Variants in CEP164 observed in about 807,000 individuals in gnomAD.
CEP164 encodes centrosomal protein 164, also known as centrosomal protein of 164 kDa.
A neutral mutation model predicts 182.7 loss-of-function variants in CEP164; 162 were observed. The observed-to-expected ratio is 0.89, with a 90% CI of 0.78 to 1.01. The LOEUF (loss-of-function observed/expected upper bound fraction) is 1.01. Ranked by LOEUF, CEP164 falls within the 50% of genes least tolerant of loss-of-function variation. The pLI is 0.00. For missense variants in CEP164, 1,735 were observed against 1,790.4 expected, an observed-to-expected ratio of 0.97 and a Z score of 0.56; for synonymous variants, 661 against 690.0, an observed-to-expected ratio of 0.96 and a Z score of 0.66.
chr11:117,327,500 C>T (rs961465723), upstream of CEP164, among the ~76,000 whole-genome samples: 6 of 145,080 alleles, frequency 4.1e-5, no homozygotes, highest in East Asian at 2.0e-4. Flanking sequence ...AGGGGTTTCA[C>T]CATGTTGGTC....
intron 13 of CEP164, among the ~76,000 whole-genome samples, chr11:117,382,114 GT>G (rs1336444850): frequency 6.6e-6 from 1 of 152,162 alleles, no homozygotes; most frequent in Non-Finnish European, 1.5e-5. Context: ...ATCAGGGTAT[GT>G]GGTCTGATTA....
In CEP164 at chr11:117,411,303, C is replaced by A; in HGVS notation, c.4163+409C>A. 1 of 248,052 alleles carries A rather than the reference C, an allele frequency of 4.0e-6. No homozygotes were observed. Among genetic ancestry groups the A allele is most frequent in the South Asian group, 7.0e-5 (1 of 14,376 alleles). The allele number at this position is 248,052 out of a possible 1,614,324, so 15.4% of individuals were successfully genotyped here. The stretch of plus-strand genomic sequence containing the variant: ...TGGCTCCCTTATTCCCCCAGTCCTG[C>A]TGAGCAACATCTGGAGTGAGAGGGA... On this transcript the variant is annotated intron_variant, in intron 31 of 32. Transcript: ENST00000278935. The surrounding 1 kb of genome is among the most constrained non-coding windows in gnomAD (Gnocchi z 4.4).
intron 10 of CEP164, 54 bp from the exon 11 acceptor site, chr11:117,375,653 TG>T: frequency 6.8e-7 from 1 of 1,478,400 alleles, no homozygotes; most frequent in Non-Finnish European, 9.5e-7. Context: ...AGAGGCCTGG[TG>T]GGTGTTGACT....
In CEP164 at chr11:117,377,382, G is replaced by T. The variant is rs185619550; in HGVS notation, c.1317+1591G>T. Among the ~76,000 whole-genome samples the T allele has an allele frequency of 2.8e-3, 430 of 152,336 alleles. 2 individuals are homozygous for T. The highest frequency in any genetic ancestry group is 9.6e-3 in the African/African-American group (398 of 41,580). Reference sequence around the variant, plus strand: ...TCACCCCCTGCTCTGTGGCCTGGGGGTTGGGGACCCCTCCCCTAAGCTATA... The same window carrying T: ...TCACCCCCTGCTCTGTGGCCTGGGGTTTGGGGACCCCTCCCCTAAGCTATA... On this transcript the variant is annotated intron_variant, in intron 11 of 32. Transcript: ENST00000278935.
At position 117,411,766 on chromosome 11, in the gene CEP164, C is replaced by T. The variant is rs1443480431; in HGVS notation, c.4164-29C>T. The T allele has an allele frequency of 1.9e-6, 3 of 1,613,392 alleles. No individual in the cohort carries two copies. Among genetic ancestry groups the T allele is most frequent in the Non-Finnish European group, 2.5e-6 (3 of 1,179,724 alleles). ...TGTCACTTCCGCGCCTCCTCTCTCCCCTCGCCATGCTCTCCTCTTCCTTCC... is the reference window on the plus strand; with the variant it reads ...TGTCACTTCCGCGCCTCCTCTCTCCTCTCGCCATGCTCTCCTCTTCCTTCC... On this transcript the variant is annotated intron_variant, in intron 31 of 32. Coordinates refer to ENST00000278935, the MANE Select transcript of CEP164 (RefSeq NM_014956.5). The surrounding 1 kb of genome is among the most constrained non-coding windows in gnomAD (Gnocchi z 4.4).
At chr11:117,324,012 G>T (rs1305952996), upstream of CEP164, 1 of 228,020 alleles carries the variant, frequency 4.4e-6, no homozygotes, top group Non-Finnish European at 9.4e-6. Flanking sequence ...TTCTGACCTA[G>T]GAGTAGGGAA....
intron 8 of CEP164, among the ~76,000 whole-genome samples, chr11:117,364,273 C>G (rs1338668351): frequency 6.6e-6 from 1 of 152,210 alleles, no homozygotes; most frequent in East Asian, 1.9e-4. Context: ...TCTAATATAT[C>G]AAGTTCTTTT....
At chr11:117,403,538 G>A (rs1301219128) in intron 27 of CEP164, among the ~76,000 whole-genome samples, 1 of 152,142 alleles carries the variant, frequency 6.6e-6, no homozygotes, top group Non-Finnish European at 1.5e-5. Context: ...TAGTCTGATG[G>A]GCTTCCCTTT....
At chr11:117,325,587 T>C (rs1700686502), upstream of CEP164, among the ~76,000 whole-genome samples, 1 of 151,898 alleles carries the variant, frequency 6.6e-6, no homozygotes, top group African/African-American at 2.4e-5. Context: ...GGTTTCACCA[T>C]GTTAGCCAGG....
At chr11:117,393,563 A>C (rs1049453120) in intron 20 of CEP164, among the ~76,000 whole-genome samples, 1 of 152,180 alleles carries the variant, frequency 6.6e-6, no homozygotes. Context: ...AGATGAGGGC[A>C]CTGAGACTTG....
Position 117,408,923 on chromosome 11 carries a change from A to G in CEP164, c.3643A>G (p.Thr1215Ala), listed in dbSNP as rs1169611200. 2 of 1,614,002 alleles carry G rather than the reference A, an allele frequency of 1.2e-6. No individual in the cohort carries two copies. Among genetic ancestry groups the G allele is most frequent in the East Asian group, 4.5e-5 (2 of 44,888 alleles). Residue 1215 changes from threonine to alanine, a missense_variant, in exon 29 of 33, where the codon ACC (threonine) becomes GCC (alanine). Physicochemically the swap from Thr to Ala is moderately conservative, Grantham distance 58 (BLOSUM62 0). Coordinates refer to ENST00000278935, the MANE Select transcript of CEP164 (RefSeq NM_014956.5). ...TGAGGGCACTCTGGGAGGATCCCCC[A>G]CCAAGAAGGCAGTAACCTTCGACCT... ...SDEGTLGGSP[T>A]KKAVTFDLSD...
intron 4 of CEP164, among the ~76,000 whole-genome samples, chr11:117,347,485 C>T (rs778517316): frequency 9.9e-5 from 15 of 151,802 alleles, no homozygotes; most frequent in African/African-American, 3.4e-4. Context: ...TCGAGGTGGG[C>T]GGATCACTTG....
chr11:117,366,009 T>G (rs948554563), intron 8 of CEP164, among the ~76,000 whole-genome samples: 5 of 152,186 alleles, frequency 3.3e-5, no homozygotes, highest in Non-Finnish European at 5.9e-5. Flanking sequence ...GGGAAATGTC[T>G]GGAGTGGGTG....
At chr11:117,377,181 G>A (rs1185482047) in intron 11 of CEP164, among the ~76,000 whole-genome samples, 1 of 91,940 alleles carries the variant, frequency 1.1e-5, no homozygotes, top group Non-Finnish European at 2.2e-5. Flanking sequence ...TTGGAAGACA[G>A]TTTTTCCAGA....
chr11:117,411,846 C>T lies in CEP164; in HGVS notation c.4215C>T (p.Gly1405=), dbSNP rs754291006. The change falls in exon 32 of 33, where the codon GGC becomes GGT. Residue 1405 remains glycine (G), a synonymous_variant. Transcript: ENST00000278935. This position sits in a 1 kb window ranked among gnomAD's most constrained non-coding sequence, Gnocchi z 4.4. ...CCCATTCGCAAGTCCCTGAGGCGGGCAGCACCACCTTTCAGGGCATAATTG... is the reference window on the plus strand; with the variant it reads ...CCCATTCGCAAGTCCCTGAGGCGGGTAGCACCACCTTTCAGGGCATAATTG... ...QHSHSQVPEA[G]STTFQGIIEA... is the part of the protein sequence containing the mutation. The T allele has an allele frequency of 6.2e-7, 1 of 1,614,174 alleles. No homozygotes were observed. Among genetic ancestry groups the T allele is most frequent in the South Asian group, 1.1e-5 (1 of 91,074 alleles).
At chr11:117,408,507 A>T (rs1467717325) in intron 28 of CEP164, 2 of 284,824 alleles carry the variant, frequency 7.0e-6, no homozygotes, top group African/African-American at 4.3e-5. Flanking sequence ...ACCTGATGGC[A>T]CTGTTGTCTC....
intron 27 of CEP164, among the ~76,000 whole-genome samples, chr11:117,402,409 C>T (rs1407453375): frequency 5.9e-5 from 9 of 151,794 alleles, no homozygotes; most frequent in Admixed American, 1.3e-4. Flanking sequence ...TTAGTAGAGG[C>T]GGGGTTTCAC....
chr11:117,401,820 A>C (rs1482781283), intron 27 of CEP164, among the ~76,000 whole-genome samples: 1 of 152,150 alleles, frequency 6.6e-6, no homozygotes, highest in Non-Finnish European at 1.5e-5. Flanking sequence ...ATCAGTGGTA[A>C]TATTCCATTT....
upstream of CEP164, among the ~76,000 whole-genome samples, chr11:117,323,028 A>T (rs1032190240): frequency 2.0e-5 from 3 of 151,948 alleles, no homozygotes; most frequent in African/African-American, 7.3e-5. Flanking sequence ...AGCCTCCCGA[A>T]GTGCTAGGAT....
Sources: gnomAD v4.1 joint callset for allele counts (sites outside exome capture counted in the v4.1 genomes callset) on GRCh38, gnomAD v4.1.1 for gene constraint, Gnocchi (gnomAD v3.1) non-coding constraint, MANE v1.5 for transcripts, NCBI Gene and HGNC (gene_info 2026-07-23, HGNC 2026-07-21) for gene names.